CDYL2: variants seen among roughly 807,000 people sequenced by gnomAD.
The protein encoded by CDYL2 is chromodomain Y like 2.
A neutral mutation model predicts 49.4 loss-of-function variants in CDYL2; 23 were observed. The ratio of observed to expected loss-of-function variants is 0.47; its 90% CI spans 0.34 to 0.66. CDYL2 has a LOEUF of 0.66. Ranked by LOEUF, CDYL2 falls within the 30% of genes least tolerant of loss-of-function variation. CDYL2 has a pLI of 0.01. For missense variants in CDYL2, 678 were observed against 656.4 expected (o/e 1.03, Z -0.36); for synonymous variants, 360 against 268.8 (o/e 1.34, Z -3.32).
At chr16:80,715,646 G>C (rs1904773266) in intron 1 of CDYL2, among the ~76,000 whole-genome samples, 1 of 151,650 alleles carries the variant, frequency 6.6e-6, no homozygotes, top group Non-Finnish European at 1.5e-5. Context: ...ATCTGATTGT[G>C]TCCCCAACTC....
At chr16:80,717,664 T>C (rs1031841169) in intron 1 of CDYL2, among the ~76,000 whole-genome samples, 4 of 152,244 alleles carry the variant, frequency 2.6e-5, no homozygotes. Flanking sequence ...TGAGATCTGC[T>C]AGGGGCATGG....
intron 1 of CDYL2, among the ~76,000 whole-genome samples, chr16:80,722,844 G>A (rs1173040617): frequency 6.6e-6 from 1 of 152,188 alleles, no homozygotes; most frequent in African/African-American, 2.4e-5. Context: ...CATACCTGGT[G>A]CCCTAAGCTT....
intron 1 of CDYL2, among the ~76,000 whole-genome samples, chr16:80,798,469 T>G (rs1567609467): frequency 6.6e-6 from 1 of 152,246 alleles, no homozygotes; most frequent in Non-Finnish European, 1.5e-5. Flanking sequence ...GATGGAAGAC[T>G]TTTATGATTA....
At chr16:80,694,758 T>A (rs1170946068) in intron 1 of CDYL2, among the ~76,000 whole-genome samples, 1 of 151,916 alleles carries the variant, frequency 6.6e-6, no homozygotes, top group African/African-American at 2.4e-5. Flanking sequence ...CACTCTCCAA[T>A]GAAAAAAACT....
At position 80,633,007 on chromosome 16, in the gene CDYL2, G is replaced by A. The variant is rs773077280; in HGVS notation, c.834+12C>T. 16 of 1,609,170 alleles carry A rather than the reference G, an allele frequency of 9.9e-6. No homozygotes were observed. The highest frequency in any genetic ancestry group is 2.2e-5 in the East Asian group (1 of 44,788). On this transcript the variant is annotated intron_variant, in intron 3 of 6. Transcript: ENST00000570137. Reference sequence around the variant, plus strand: ...GCCCAGCTTGCCCTTCCCTCTGGCCGCCACCCCTTACCTCAGGTGTCAGGG... The same window carrying A: ...GCCCAGCTTGCCCTTCCCTCTGGCCACCACCCCTTACCTCAGGTGTCAGGG...
chr16:80,778,862 G>T (rs994676173), intron 1 of CDYL2, among the ~76,000 whole-genome samples: 1 of 151,910 alleles, frequency 6.6e-6, no homozygotes, highest in Non-Finnish European at 1.5e-5. Context: ...ATGACAAATC[G>T]GACATTTCAA....
At chr16:80,803,905 AGT>A (rs1441379092) in intron 1 of CDYL2, among the ~76,000 whole-genome samples, 3 of 143,584 alleles carry the variant, frequency 2.1e-5, no homozygotes, top group Admixed American at 2.1e-4. Flanking sequence ...GGAGTAAGAG[AGT>A]GTGTGTGCGA....
chr16:80,795,433 A>G (rs766299312), intron 1 of CDYL2, among the ~76,000 whole-genome samples: 28 of 152,270 alleles, frequency 1.8e-4, no homozygotes, highest in Non-Finnish European at 3.7e-4. Flanking sequence ...CTTCTCAGGA[A>G]CCCATCGCTT....
intron 1 of CDYL2, among the ~76,000 whole-genome samples, chr16:80,709,789 C>G (rs1904531398): frequency 6.6e-6 from 1 of 152,190 alleles, no homozygotes; most frequent in African/African-American, 2.4e-5. Flanking sequence ...TTATAGATTT[C>G]TTAACCATCT....
At chr16:80,693,550 A>G (rs1013015979) in intron 1 of CDYL2, among the ~76,000 whole-genome samples, 5 of 152,368 alleles carry the variant, frequency 3.3e-5, no homozygotes, top group South Asian at 4.1e-4. Context: ...CTTCAACAAG[A>G]AAACAGATAA....
Position 80,653,426 on chromosome 16 carries a change from T to C in CDYL2, c.617-20190A>G, listed in dbSNP as rs559034011. 6.6e-5 allele frequency among the ~76,000 whole-genome samples: 10 copies of C among 152,150 alleles called. No homozygotes were observed. The East Asian group carries it at 1.5e-3, about 23-fold the overall frequency. ...GTTGCAGTAAGCCGAGATCGCACCA[T>C]TGCACTCCAGCCTGGGCAACAAGAG... On this transcript the variant is annotated intron_variant, in intron 2 of 6. Coordinates refer to ENST00000570137, the MANE Select transcript of CDYL2 (RefSeq NM_152342.4).
At chr16:80,632,740 C>G in intron 3 of CDYL2, 2 of 394,216 alleles carry the variant, frequency 5.1e-6, no homozygotes, top group African/African-American at 2.0e-5. Flanking sequence ...GATTCTGGGT[C>G]TGCCCCTTGG....
chr16:80,620,319 C>G (rs971434938), intron 4 of CDYL2, among the ~76,000 whole-genome samples: 1 of 152,208 alleles, frequency 6.6e-6, no homozygotes, highest in African/African-American at 2.4e-5. Flanking sequence ...CAGGGAACCC[C>G]TCCATCAACC....
chr16:80,714,379 G>T (rs956206620), intron 1 of CDYL2, among the ~76,000 whole-genome samples: 2 of 152,148 alleles, frequency 1.3e-5, no homozygotes, highest in Non-Finnish European at 2.9e-5. Context: ...GTAAGGACAT[G>T]CTAATTAACC....
chr16:80,714,246 G>A (rs952646656), intron 1 of CDYL2, among the ~76,000 whole-genome samples: 4 of 151,890 alleles, frequency 2.6e-5, no homozygotes, highest in Admixed American at 2.6e-4. Context: ...GCAAGCTGGG[G>A]GATACCTGTA....
intron 2 of CDYL2, among the ~76,000 whole-genome samples, chr16:80,664,529 G>T (rs1423221278): frequency 6.6e-6 from 1 of 152,174 alleles, no homozygotes; most frequent in African/African-American, 2.4e-5. Flanking sequence ...GACACGGCTG[G>T]TCATCTCTAC....
intron 1 of CDYL2, among the ~76,000 whole-genome samples, chr16:80,753,342 C>G (rs184135658): frequency 6.6e-6 from 1 of 152,126 alleles, no homozygotes; most frequent in African/African-American, 2.4e-5. Flanking sequence ...GGCACGGTGG[C>G]TCACACCTGT....
At chr16:80,784,232 C>G (rs969450930) in intron 1 of CDYL2, among the ~76,000 whole-genome samples, 3 of 151,948 alleles carry the variant, frequency 2.0e-5, no homozygotes, top group African/African-American at 7.3e-5. Context: ...TGTTCTCTTT[C>G]TAACTTCTTG....
intron 6 of CDYL2, among the ~76,000 whole-genome samples, chr16:80,607,200 G>T (rs765391725): frequency 6.6e-6 from 1 of 152,082 alleles, no homozygotes; most frequent in Non-Finnish European, 1.5e-5. Flanking sequence ...CCCTCACCCC[G>T]CGAGCACTGT....
Sources: gnomAD v4.1 joint callset for allele counts (sites outside exome capture counted in the v4.1 genomes callset) on GRCh38, gnomAD v4.1.1 for gene constraint, MANE v1.5 for transcripts, NCBI Gene and HGNC (gene_info 2026-07-23, HGNC 2026-07-21) for gene names.